The following MICAL3 variants were observed in gnomAD, a reference collection of about 807,000 sequenced individuals.
The protein encoded by MICAL3 is microtubule associated monooxygenase, calponin and LIM domain containing 3.
Under a neutral mutation model 207.4 loss-of-function variants are expected in MICAL3, and 62 were observed. The ratio of observed to expected loss-of-function variants is 0.30; its 90% CI spans 0.24 to 0.37. MICAL3 has a LOEUF of 0.37. Among genes scored for constraint, MICAL3 ranks in the 10% least tolerant of loss-of-function variants. The probability of loss-of-function intolerance (pLI) is 1.00; values close to 1 mark genes in which losing one functional copy is unlikely to be tolerated. For missense variants in MICAL3, 2,368 were observed against 2,635.6 expected (o/e 0.90, Z 2.22); for synonymous variants, 1,077 against 1,069.3 (o/e 1.01, Z -0.14).
chr22:17,904,070 T>C (rs1931535164), intron 3 of MICAL3, among the ~76,000 whole-genome samples: 1 of 152,188 alleles, frequency 6.6e-6, no homozygotes, highest in Non-Finnish European at 1.5e-5. Flanking sequence ...CAGCAAGAGC[T>C]TGCAGACCGC....
Position 17,831,880 on chromosome 22 carries a change from T to C in MICAL3, c.3029A>G (p.Asp1010Gly), listed in dbSNP as rs1357581501. Residue 1010 changes from aspartate to glycine, a missense_variant, in exon 21 of 32, where the codon GAC becomes GGC. By Grantham distance (94) the Asp-to-Gly change is moderately conservative. Coordinates refer to ENST00000441493, the MANE Select transcript of MICAL3 (RefSeq NM_015241.3). ...EYEEEEEEDY[D>G]EEEEESSEAG... Reference sequence around the variant, plus strand: ...TTCACTGGACTCTTCCTCCTCCTCGTCATAGTCCTCCTCCTCCTCCTCTTC... The same window carrying C: ...TTCACTGGACTCTTCCTCCTCCTCGCCATAGTCCTCCTCCTCCTCCTCTTC... 9 of 1,553,508 alleles carry C rather than the reference T, an allele frequency of 5.8e-6. No individual in the cohort carries two copies. The highest frequency in any genetic ancestry group is 1.4e-5 in the African/African-American group (1 of 73,094).
chr22:18,003,472 G>A (rs1275150197), intron 1 of MICAL3, among the ~76,000 whole-genome samples: 1 of 152,036 alleles, frequency 6.6e-6, no homozygotes, highest in Non-Finnish European at 1.5e-5. Flanking sequence ...AAACCCCACT[G>A]CTCACCCCTC....
At chr22:17,845,155 T>C (rs1281327923) in intron 19 of MICAL3, among the ~76,000 whole-genome samples, 1 of 152,138 alleles carries the variant, frequency 6.6e-6, no homozygotes, top group Non-Finnish European at 1.5e-5. Flanking sequence ...GGGAATTCCA[T>C]AAATACGGAA....
intron 1 of MICAL3, among the ~76,000 whole-genome samples, chr22:17,907,430 A>T (rs903395895): frequency 6.6e-5 from 10 of 152,142 alleles, no homozygotes; most frequent in African/African-American, 2.4e-4. Flanking sequence ...TGGATTAAAA[A>T]CAGAAGCACT....
chr22:17,816,978 G>A (rs1046215068), intron 26 of MICAL3, among the ~76,000 whole-genome samples, 194 bp from the exon 27 acceptor site: 1 of 152,204 alleles, frequency 6.6e-6, no homozygotes, highest in South Asian at 2.1e-4. Context: ...CAGAGCTGAC[G>A]CCAAGCGGGT....
chr22:17,821,345 G>T, intron 25 of MICAL3, 82 bp downstream of exon 25: 1 of 1,257,208 alleles, frequency 8.0e-7, no homozygotes, highest in Non-Finnish European at 1.1e-6. Flanking sequence ...CCCACACCAT[G>T]GGCCCTGAAA....
In MICAL3 at chr22:17,875,395, G is replaced by A. The variant is rs866523071; in HGVS notation, c.2242-3372C>T. ...GGTACATGACACTTGCGAAAGTGAC[G>A]TGAGTGGAGGCTGCGGAGGGCAGAG... On this transcript the variant is annotated intron_variant, in intron 16 of 31. Coordinates refer to ENST00000441493, the MANE Select transcript of MICAL3 (RefSeq NM_015241.3). 45 of 1,187,086 alleles carry A rather than the reference G, an allele frequency of 3.8e-5. No homozygotes were observed. In the Middle Eastern group the frequency reaches 3.3e-3, roughly 87 times the overall value. 73.5% of individuals were successfully genotyped at this position (1,187,086 alleles called of 1,614,324 possible). A position where few individuals can be genotyped will look rare whatever the true frequency, so the allele number is the denominator to read the frequency against.
Position 17,965,595 on chromosome 22 carries a change from G to A in MICAL3, c.-75+58686C>T, listed in dbSNP as rs773832497. 2.0e-5 allele frequency among the ~76,000 whole-genome samples: 3 copies of A among 152,208 alleles called. No homozygotes were observed. In the South Asian group the frequency reaches 6.2e-4, roughly 32 times the overall value. ...CTGTGAGTTAAGTATTTAATACAGC[G>A]ATCAGCCTCATGTGATAGACAAGAA... On this transcript the variant is annotated intron_variant, in intron 1 of 31. Transcript: ENST00000441493.
At chr22:17,970,047 G>A (rs938472974) in intron 1 of MICAL3, among the ~76,000 whole-genome samples, 1 of 152,242 alleles carries the variant, frequency 6.6e-6, no homozygotes, top group African/African-American at 2.4e-5. Flanking sequence ...GATTCACAGT[G>A]TGCAGAGGGA....
chr22:17,859,706 G>A (rs1171108468), intron 19 of MICAL3, among the ~76,000 whole-genome samples: 1 of 152,184 alleles, frequency 6.6e-6, no homozygotes, highest in Non-Finnish European at 1.5e-5. Context: ...AGAGCCTCCA[G>A]GCGGAAGACA....
intron 1 of MICAL3, among the ~76,000 whole-genome samples, chr22:17,984,745 T>C (rs1319111266): frequency 6.6e-6 from 1 of 152,244 alleles, no homozygotes; most frequent in Non-Finnish European, 1.5e-5. Context: ...ATGGCAGGTG[T>C]TATGCTATGC....
At chr22:17,795,209 T>A (rs1167841802) in intron 29 of MICAL3, among the ~76,000 whole-genome samples, 1 of 152,200 alleles carries the variant, frequency 6.6e-6, no homozygotes, top group African/African-American at 2.4e-5. Context: ...GCCGAATGCA[T>A]GGGTACGAGG....
intron 19 of MICAL3, among the ~76,000 whole-genome samples, chr22:17,857,491 T>C (rs998828601): frequency 1.3e-5 from 2 of 152,206 alleles, no homozygotes; most frequent in Non-Finnish European, 2.9e-5. Context: ...GAACACGGCC[T>C]GCGGCGTGGC....
intron 1 of MICAL3, among the ~76,000 whole-genome samples, chr22:17,917,477 G>A (rs1435575286): frequency 6.6e-6 from 1 of 152,124 alleles, no homozygotes; most frequent in African/African-American, 2.4e-5. Context: ...TTCTCACCAT[G>A]TCTTCTCTAT....
At chr22:17,955,435 T>C (rs1254860208) in intron 1 of MICAL3, among the ~76,000 whole-genome samples, 1 of 152,130 alleles carries the variant, frequency 6.6e-6, no homozygotes, top group Non-Finnish European at 1.5e-5. Flanking sequence ...CTTCCTCATG[T>C]CCTCCCCCTC....
chr22:17,842,727 G>A (rs1319474010), intron 19 of MICAL3, among the ~76,000 whole-genome samples: 1 of 152,204 alleles, frequency 6.6e-6, no homozygotes, highest in Non-Finnish European at 1.5e-5. Context: ...AAGCCACGGG[G>A]TGCCCTGCCT....
chr22:17,818,929 G>A lies in MICAL3; in HGVS notation c.3732C>T (p.Pro1244=). Reference sequence around the variant, plus strand: ...GCGTGGAGGCCGCCACGGGTGGCTGGGGCTGCGGGCTCCCTGGTGAGACAG... The same window carrying A: ...GCGTGGAGGCCGCCACGGGTGGCTGAGGCTGCGGGCTCCCTGGTGAGACAG... ...RTPVSPGSPQ[P]QPPVAASTPP... Residue 1244 remains proline (P), a synonymous_variant, in exon 26 of 32, where the codon CCC becomes CCT. Transcript: ENST00000441493. The A allele has an allele frequency of 6.3e-7, 1 of 1,581,886 alleles. No individual in the cohort carries two copies. The highest frequency in any genetic ancestry group is 8.6e-7 in the Non-Finnish European group (1 of 1,164,404).
At chr22:17,950,960 C>A (rs1373087519) in intron 1 of MICAL3, among the ~76,000 whole-genome samples, 1 of 152,094 alleles carries the variant, frequency 6.6e-6, no homozygotes, top group Non-Finnish European at 1.5e-5. Flanking sequence ...AAAGGAAATC[C>A]CACTGTCAGC....
intron 27 of MICAL3, 128 bp downstream of exon 27, chr22:17,816,562 C>A: frequency 1.3e-6 from 1 of 747,288 alleles, no homozygotes; most frequent in South Asian, 1.6e-5. Context: ...CAGCAGTCAG[C>A]TGGCTATGCG....
Sources: gnomAD v4.1 joint callset for allele counts (sites outside exome capture counted in the v4.1 genomes callset) on GRCh38, gnomAD v4.1.1 for gene constraint, MANE v1.5 for transcripts, NCBI Gene and HGNC (gene_info 2026-07-23, HGNC 2026-07-21) for gene names.